Variants in LRRC4C observed in about 807,000 individuals in gnomAD.
LRRC4C encodes the protein leucine rich repeat containing 4C, also known as leucine-rich repeat-containing protein 4C.
In LRRC4C, 5 loss-of-function variants were observed where a neutral mutation model predicts 33.6. The observed-to-expected ratio is 0.15, with a 90% CI of 0.08 to 0.31. The LOEUF (loss-of-function observed/expected upper bound fraction) is 0.31, where lower values mean the gene tolerates loss of function less well. Ranked by LOEUF, LRRC4C falls within the 10% of genes least tolerant of loss-of-function variation. LRRC4C has a pLI of 1.00. For synonymous variants in LRRC4C, 329 were observed against 302.0 expected (o/e 1.09, Z -0.93); for missense variants, 560 against 796.7 (o/e 0.70, Z 3.58).
intron 5 of LRRC4C, among the ~76,000 whole-genome samples, chr11:40,179,218 T>C (rs74649883): frequency 1.3e-5 from 2 of 152,032 alleles, no homozygotes; most frequent in Non-Finnish European, 2.9e-5. Context: ...GTGCCTAGAC[T>C]GATCTCCAAC....
At chr11:40,163,991 A>G (rs948130691) in intron 5 of LRRC4C, among the ~76,000 whole-genome samples, 3 of 152,230 alleles carry the variant, frequency 2.0e-5, no homozygotes, top group African/African-American at 7.2e-5. Context: ...TAATTTTTAT[A>G]TAAGACTATG....
At chr11:40,209,069 C>A (rs1192611303) in intron 5 of LRRC4C, among the ~76,000 whole-genome samples, 1 of 151,804 alleles carries the variant, frequency 6.6e-6, no homozygotes, top group Non-Finnish European at 1.5e-5. Context: ...TGTATCCCGG[C>A]AATTTACAAA....
chr11:40,958,707 T>C (rs1013200298), intron 1 of LRRC4C, among the ~76,000 whole-genome samples: 4 of 151,832 alleles, frequency 2.6e-5, no homozygotes, highest in Non-Finnish European at 5.9e-5. Context: ...TAAACTGTTC[T>C]CTAAAAGCAT....
chr11:40,250,761 A>T (rs1389746156), intron 4 of LRRC4C, among the ~76,000 whole-genome samples: 1 of 151,990 alleles, frequency 6.6e-6, no homozygotes, highest in African/African-American at 2.4e-5. Context: ...ATAATAATAA[A>T]AATTCTGACC....
chr11:40,928,538 A>G (rs1253609481), intron 2 of LRRC4C, among the ~76,000 whole-genome samples: 1 of 152,052 alleles, frequency 6.6e-6, no homozygotes, highest in Non-Finnish European at 1.5e-5. Context: ...TTCATTAAGT[A>G]ATAATAGCTA....
intron 3 of LRRC4C, among the ~76,000 whole-genome samples, chr11:40,502,714 A>G (rs911277221): frequency 1.3e-5 from 2 of 152,146 alleles, no homozygotes; most frequent in Non-Finnish European, 2.9e-5. Context: ...CCACATAAGC[A>G]TGCATCTCTA....
intron 4 of LRRC4C, among the ~76,000 whole-genome samples, chr11:40,291,864 T>G (rs965324282): frequency 2.0e-5 from 3 of 151,924 alleles, no homozygotes; most frequent in African/African-American, 7.3e-5. Context: ...ACAAACAACT[T>G]AAATGCATTC....
chr11:40,910,029 C>T (rs182283721), intron 2 of LRRC4C, among the ~76,000 whole-genome samples: 4 of 152,118 alleles, frequency 2.6e-5, no homozygotes, highest in African/African-American at 9.6e-5. Flanking sequence ...ACTTAGGAAT[C>T]ATATTATCTT....
At chr11:40,757,324 GT>G (rs1949002165) in intron 2 of LRRC4C, among the ~76,000 whole-genome samples, 1 of 151,974 alleles carries the variant, frequency 6.6e-6, no homozygotes, top group Non-Finnish European at 1.5e-5. Flanking sequence ...GATGGCCTAT[GT>G]TATATTATCC....
chr11:40,200,180 TAAAAAAAAAAAAA>T (rs56269292), intron 5 of LRRC4C, among the ~76,000 whole-genome samples: 9 of 26,046 alleles, frequency 3.5e-4, no homozygotes, highest in Non-Finnish European at 4.2e-4. Context: ...CTGTCTCCAC[TAAAAAAAAAAAAA>T]AAAAAAAAAA....
intron 1 of LRRC4C, among the ~76,000 whole-genome samples, chr11:41,407,143 C>T (rs750030018): frequency 2.0e-5 from 3 of 151,738 alleles, no homozygotes; most frequent in South Asian, 2.1e-4. Flanking sequence ...CTATGGACCA[C>T]GAAAAAACTG....
intron 2 of LRRC4C, among the ~76,000 whole-genome samples, chr11:40,785,171 A>T (rs1259393252): frequency 6.6e-6 from 1 of 152,154 alleles, no homozygotes; most frequent in East Asian, 1.9e-4. Context: ...ATACGATAAG[A>T]GATGATGCCG....
chr11:40,987,846 A>G (rs1853186009), intron 1 of LRRC4C, among the ~76,000 whole-genome samples: 1 of 151,896 alleles, frequency 6.6e-6, no homozygotes, highest in Middle Eastern at 3.2e-3. Context: ...ACAGACTTGA[A>G]AAATAGTGCC....
intron 3 of LRRC4C, among the ~76,000 whole-genome samples, chr11:40,513,287 T>C (rs1394106041): frequency 7.5e-6 from 1 of 133,402 alleles, no homozygotes; most frequent in Non-Finnish European, 1.6e-5. Context: ...AAGAAAAAAA[T>C]CCACTCTAAC....
At chr11:41,408,720 C>T (rs1324754489) in intron 1 of LRRC4C, among the ~76,000 whole-genome samples, 4 of 112,318 alleles carry the variant, frequency 3.6e-5, no homozygotes, top group Non-Finnish European at 1.8e-5. Flanking sequence ...GTTCCCAAAA[C>T]AATTCTATGA....
intron 3 of LRRC4C, among the ~76,000 whole-genome samples, chr11:40,546,746 C>A (rs1358580497): frequency 6.6e-6 from 1 of 152,098 alleles, no homozygotes; most frequent in East Asian, 1.9e-4. Context: ...GCTTCACATT[C>A]TCTCCAAATA....
intron 2 of LRRC4C, among the ~76,000 whole-genome samples, chr11:40,794,883 T>A (rs1950764194): frequency 6.6e-6 from 1 of 152,194 alleles, no homozygotes; most frequent in African/African-American, 2.4e-5. Context: ...TGGCCTAGGA[T>A]CAAGGTTTGG....
chr11:41,386,710 G>C (rs191478345), intron 1 of LRRC4C, among the ~76,000 whole-genome samples: 3 of 151,472 alleles, frequency 2.0e-5, no homozygotes, highest in African/African-American at 7.3e-5. Context: ...TTTTCATCTA[G>C]AGCATGCTGT....
chr11:40,723,998 T>TA (rs940993095), intron 2 of LRRC4C, among the ~76,000 whole-genome samples: 26 of 149,766 alleles, frequency 1.7e-4, no homozygotes, highest in African/African-American at 4.2e-4. Flanking sequence ...CCAACAACAT[T>TA]AAAAAAAAAG....
Sources: allele counts gnomAD v4.1 joint callset (sites outside exome capture counted in the v4.1 genomes callset), GRCh38; gene constraint gnomAD v4.1.1; transcripts MANE v1.5; gene names NCBI Gene and HGNC (gene_info 2026-07-23, HGNC 2026-07-21).